KCNH1: variants seen among roughly 807,000 people sequenced by gnomAD.
The protein encoded by KCNH1 is voltage-gated delayed rectifier potassium channel KCNH1.
In KCNH1, 27 loss-of-function variants were observed where a neutral mutation model predicts 69.2. That is an observed-to-expected ratio of 0.39 (90% CI 0.29 to 0.54). The LOEUF (loss-of-function observed/expected upper bound fraction) is 0.54, where lower values mean the gene tolerates loss of function less well. KCNH1 is among the 20% of genes least tolerant of loss of function. The probability of loss-of-function intolerance (pLI) is 0.68; values close to 1 mark genes in which losing one functional copy is unlikely to be tolerated. For missense variants in KCNH1, 798 were observed against 1,261.6 expected (o/e 0.63, Z 5.57); for synonymous variants, 456 against 487.7 (o/e 0.93, Z 0.86).
rs538765264 is a variant in KCNH1 at position 210,861,181 on chromosome 1, T to C, written c.1463-57015A>G. The stretch of plus-strand genomic sequence containing the variant: ...ACTCGTAAGGGTCTTCTTCCCAAAG[T>C]TCCTCATCAGCATCTGTATAACACA... On this transcript the variant is annotated intron_variant, in intron 7 of 10. Coordinates refer to ENST00000271751, the MANE Select transcript of KCNH1 (RefSeq NM_172362.3). 1.4e-5 allele frequency: 13 copies of C among 958,974 alleles called. No individual in the cohort carries two copies. In the African/African-American group the frequency reaches 1.6e-4, roughly 12 times the overall value. 59.4% of individuals were successfully genotyped at this position (958,974 alleles called of 1,614,324 possible). A position where few individuals can be genotyped will look rare whatever the true frequency, so the allele number is the denominator to read the frequency against.
intron 10 of KCNH1, among the ~76,000 whole-genome samples, chr1:210,701,938 G>A (rs1208009051): frequency 6.6e-6 from 1 of 152,006 alleles, no homozygotes; most frequent in Non-Finnish European, 1.5e-5. Flanking sequence ...GAAAAAACAT[G>A]CCCCAAAAGC....
At chr1:211,086,239 T>C (rs1336246978) in intron 4 of KCNH1, among the ~76,000 whole-genome samples, 1 of 152,152 alleles carries the variant, frequency 6.6e-6, no homozygotes, top group South Asian at 2.1e-4. Flanking sequence ...CCAATAGATA[T>C]AAAGTCCCAA....
At chr1:210,910,337 T>C (rs148075825) in intron 7 of KCNH1, among the ~76,000 whole-genome samples, 65 of 151,400 alleles carry the variant, frequency 4.3e-4, no homozygotes, top group African/African-American at 1.5e-3. Context: ...AATCCCTGTC[T>C]TTTGACACAT....
intron 10 of KCNH1, among the ~76,000 whole-genome samples, chr1:210,766,207 C>G (rs116484319): frequency 6.6e-6 from 1 of 152,020 alleles, no homozygotes; most frequent in Non-Finnish European, 1.5e-5. Flanking sequence ...TTACTTTGTA[C>G]CAAGCTCTAA....
rs1199826173 is a variant in KCNH1 at position 210,797,501 on chromosome 1, C to T, written c.1915+7G>A. 1.2e-6 allele frequency: 2 copies of T among 1,613,676 alleles called. No individual in the cohort carries two copies. The highest frequency in any genetic ancestry group is 3.3e-4 in the Middle Eastern group (2 of 6,058). ...ACCTTTGCCCATCCAGCAAAGCCAA[C>T]ACCTACCTAGAATGGCCACCACCTC... On this transcript the variant is annotated splice_region_variant and intron_variant, in intron 9 of 10. Transcript: ENST00000271751.
At chr1:211,083,070 T>C (rs1484609816) in intron 4 of KCNH1, among the ~76,000 whole-genome samples, 172 bp from the exon 5 acceptor site, 2 of 152,372 alleles carry the variant, frequency 1.3e-5, no homozygotes, top group East Asian at 3.9e-4. Context: ...AAGCACCTTG[T>C]GTGTCGCAAC....
At chr1:210,986,300 TTA>T (rs1250084069) in intron 6 of KCNH1, among the ~76,000 whole-genome samples, 1 of 152,234 alleles carries the variant, frequency 6.6e-6, no homozygotes, top group Non-Finnish European at 1.5e-5. Flanking sequence ...GTTAATATTG[TTA>T]TGTGTGAATT....
At chr1:211,077,163 G>A (rs1046410487) in intron 5 of KCNH1, among the ~76,000 whole-genome samples, 2 of 152,126 alleles carry the variant, frequency 1.3e-5, no homozygotes, top group African/African-American at 4.8e-5. Flanking sequence ...TGGGGAGAAT[G>A]GAACCAAGTT....
At chr1:211,067,426 A>G (rs1690552055) in intron 5 of KCNH1, among the ~76,000 whole-genome samples, 1 of 152,078 alleles carries the variant, frequency 6.6e-6, no homozygotes, top group Admixed American at 6.5e-5. Context: ...TTTGCCCTAT[A>G]TGGGACTTAT....
chr1:210,885,316 T>G (rs1686578543), intron 7 of KCNH1, among the ~76,000 whole-genome samples: 1 of 152,086 alleles, frequency 6.6e-6, no homozygotes, highest in Non-Finnish European at 1.5e-5. Context: ...GATAGGGAAC[T>G]CCCTCCTGTA....
At chr1:210,687,212 TTAACA>T (rs1681425707) in intron 10 of KCNH1, among the ~76,000 whole-genome samples, 1 of 152,214 alleles carries the variant, frequency 6.6e-6, no homozygotes, top group South Asian at 2.1e-4. Flanking sequence ...CAGCAAAGGC[TTAACA>T]TAATTCATGG....
At chr1:210,844,615 G>A (rs201854996) in intron 7 of KCNH1, among the ~76,000 whole-genome samples, 1 of 152,052 alleles carries the variant, frequency 6.6e-6, no homozygotes, top group Non-Finnish European at 1.5e-5. Flanking sequence ...AATGCCCACA[G>A]GAGAAAGCAG....
At chr1:210,848,760 T>C (rs1574294170) in intron 7 of KCNH1, among the ~76,000 whole-genome samples, 2 of 152,222 alleles carry the variant, frequency 1.3e-5, no homozygotes, top group African/African-American at 4.8e-5. Flanking sequence ...TACTATATAT[T>C]TGACTTCATA....
chr1:211,031,177 C>T (rs1159309313), intron 5 of KCNH1, among the ~76,000 whole-genome samples: 3 of 152,146 alleles, frequency 2.0e-5, no homozygotes. Flanking sequence ...CATACACCTT[C>T]CCAAGACTAA....
At chr1:211,094,707 A>T (rs1227771787) in intron 3 of KCNH1, among the ~76,000 whole-genome samples, 1 of 152,162 alleles carries the variant, frequency 6.6e-6, no homozygotes, top group African/African-American at 2.4e-5. Flanking sequence ...TGCTAAATTT[A>T]AAAAAATAAA....
rs531220908 is a variant in KCNH1 at position 211,092,269 on chromosome 1, G to A, written c.311-1579C>T. On this transcript the variant is annotated intron_variant, in intron 3 of 10. Coordinates refer to ENST00000271751, the MANE Select transcript of KCNH1 (RefSeq NM_172362.3). The stretch of plus-strand genomic sequence containing the variant: ...ACATCAAACTCTGTACTAAACACCA[G>A]GGACAGACAGACAACTCTGATTAAC... Among the ~76,000 whole-genome samples the A allele has an allele frequency of 3.3e-5, 5 of 152,248 alleles. No individual in the cohort carries two copies. The East Asian group carries it at 7.7e-4, about 24-fold the overall frequency.
chr1:211,084,773 A>G (rs1265331333), intron 4 of KCNH1, among the ~76,000 whole-genome samples: 1 of 152,226 alleles, frequency 6.6e-6, no homozygotes, highest in East Asian at 1.9e-4. Flanking sequence ...CTCTATAGAT[A>G]CTTTATAATG....
At chr1:210,859,805 A>C in intron 7 of KCNH1, 1 of 1,036,840 alleles carries the variant, frequency 9.6e-7, no homozygotes, top group Non-Finnish European at 1.5e-6. Context: ...AGCCCCAAGA[A>C]ACAGTCAACA....
chr1:211,076,582 C>T (rs1690738429), intron 5 of KCNH1, among the ~76,000 whole-genome samples: 1 of 152,154 alleles, frequency 6.6e-6, no homozygotes, highest in Admixed American at 6.5e-5. Context: ...AAAGGATAAC[C>T]ACACCAAAAC....
Sources: allele counts gnomAD v4.1 joint callset (sites outside exome capture counted in the v4.1 genomes callset), GRCh38; gene constraint gnomAD v4.1.1; transcripts MANE v1.5; gene names NCBI Gene and HGNC (gene_info 2026-07-23, HGNC 2026-07-21).